The following CHIC1 variants were observed in gnomAD, a reference collection of about 807,000 sequenced individuals.
CHIC1 encodes cysteine-rich hydrophobic domain-containing protein 1.
Under a neutral mutation model 18.5 loss-of-function variants are expected in CHIC1, and 7 were observed. The ratio of observed to expected loss-of-function variants is 0.38; its 90% CI spans 0.22 to 0.71. CHIC1 has a LOEUF of 0.71. CHIC1 is among the 30% of genes least tolerant of loss of function. The pLI is 0.49. For synonymous variants in CHIC1, 77 were observed against 73.5 expected, an observed-to-expected ratio of 1.05 and a Z score of -0.25; for missense variants, 159 against 176.9, an observed-to-expected ratio of 0.90 and a Z score of 0.57.
At chrX:73,627,269 A>T (rs1167147168) in intron 3 of CHIC1, among the ~76,000 whole-genome samples, 1 of 112,420 alleles carries the variant, frequency 8.9e-6, no homozygotes, top group African/African-American at 3.2e-5. Context: ...AAGCCATCAC[A>T]GCACTGGGCA....
At chrX:73,661,985 A>G in intron 3 of CHIC1, among the ~76,000 whole-genome samples, 1 of 110,433 alleles carries the variant, frequency 9.1e-6, no homozygotes, top group Admixed American at 9.7e-5. Context: ...ACATGTATAC[A>G]TATGTAACTA....
rs1055055462 is a variant in CHIC1, at chrX:73,685,796, G to T, written c.*4791G>T. ...AGTCAGGTCCTACAGAATGACTATT[G>T]CACTTGGTCTATTGTTTTAATAGTA... On this transcript the variant is annotated 3_prime_UTR_variant, in exon 6 of 6. Transcript: ENST00000373502. 3 of 111,216 alleles carry T rather than the reference G, an allele frequency of 2.7e-5. No individual in the cohort carries two copies. Among genetic ancestry groups the T allele is most frequent in the African/African-American group, 9.8e-5 (3 of 30,698 alleles). The allele number at this position is 111,216 out of a possible 1,213,427, so 9.2% of individuals were successfully genotyped here. A position where few individuals can be genotyped will look rare whatever the true frequency, so the allele number is the denominator to read the frequency against.
At chrX:73,675,103 T>C (rs1174109118) in intron 3 of CHIC1, among the ~76,000 whole-genome samples, 2 of 112,118 alleles carry the variant, frequency 1.8e-5, no homozygotes, top group African/African-American at 6.5e-5. Context: ...TGAGAGACAG[T>C]TTGTTATAAT....
intron 3 of CHIC1, among the ~76,000 whole-genome samples, chrX:73,662,187 A>G (rs1251698794): frequency 4.5e-5 from 5 of 110,606 alleles, no homozygotes; most frequent in Admixed American, 2.9e-4. Context: ...AGGTCTGAAG[A>G]TAATGGCAAT....
intron 3 of CHIC1, among the ~76,000 whole-genome samples, chrX:73,605,485 C>A (rs547008860): frequency 9.2e-6 from 1 of 108,153 alleles, no homozygotes; most frequent in South Asian, 3.8e-4. Flanking sequence ...CCATTTAGCC[C>A]ATTTACATTT....
At chrX:73,621,079 C>G (rs1360729590) in intron 3 of CHIC1, among the ~76,000 whole-genome samples, 1 of 111,744 alleles carries the variant, frequency 8.9e-6, no homozygotes, top group Admixed American at 9.5e-5. Flanking sequence ...TGTACCAGTA[C>G]CATGCTGTTT....
At position 73,589,101 on chromosome X, in the gene CHIC1, T is replaced by C. The variant is rs1156613356; in HGVS notation, c.507+4529T>C. Among the ~76,000 whole-genome samples, 23 of 110,445 alleles carry C rather than the reference T, an allele frequency of 2.1e-4. No homozygotes were observed. The Admixed American group carries it at 2.2e-3, about 11-fold the overall frequency. ...TTTGGGTTTAGTTTGCTCTTTTTAGTTCCATAAGGTCTAAATTTAGGTTAT... is the reference window on the plus strand; with the variant it reads ...TTTGGGTTTAGTTTGCTCTTTTTAGCTCCATAAGGTCTAAATTTAGGTTAT... On this transcript the variant is annotated intron_variant, in intron 3 of 5. Coordinates refer to ENST00000373502, the MANE Select transcript of CHIC1 (RefSeq NM_001039840.4).
chrX:73,607,616 C>T lies in CHIC1; in HGVS notation c.507+23044C>T, dbSNP rs2057689124. The stretch of plus-strand genomic sequence containing the variant: ...TTGAAACCCAGGGCCATGGTGGTGT[C>T]GGCACCCAAGGGAATCTTCTTGTCT... On this transcript the variant is annotated intron_variant, in intron 3 of 5. Coordinates refer to ENST00000373502, the MANE Select transcript of CHIC1 (RefSeq NM_001039840.4). Among the ~76,000 whole-genome samples the T allele has an allele frequency of 2.8e-5, 3 of 108,864 alleles. No homozygotes were observed. The Admixed American group carries it at 2.9e-4, about 10-fold the overall frequency. 94.5% of individuals were successfully genotyped at this position (108,864 alleles called of 115,157 possible). A position where few individuals can be genotyped will look rare whatever the true frequency, so the allele number is the denominator to read the frequency against.
chrX:73,615,197 G>T (rs1249080313), intron 3 of CHIC1, among the ~76,000 whole-genome samples: 2 of 111,572 alleles, frequency 1.8e-5, no homozygotes, highest in Non-Finnish European at 3.8e-5. Context: ...TGGAGCTTGT[G>T]GTGAAGTTTT....
At chrX:73,624,355 A>G (rs778121304) in intron 3 of CHIC1, among the ~76,000 whole-genome samples, 2 of 112,112 alleles carry the variant, frequency 1.8e-5, no homozygotes, top group African/African-American at 3.2e-5. Context: ...TTTGAGAGGG[A>G]TCTATCTGAT....
intron 3 of CHIC1, among the ~76,000 whole-genome samples, chrX:73,596,015 T>C (rs1012091761): frequency 8.9e-6 from 1 of 111,894 alleles, no homozygotes; most frequent in African/African-American, 3.2e-5. Context: ...CACTTTTTGA[T>C]GGGGTTGCTT....
intron 3 of CHIC1, among the ~76,000 whole-genome samples, chrX:73,629,888 A>G (rs1243908938): frequency 1.8e-5 from 2 of 112,063 alleles, no homozygotes; most frequent in Non-Finnish European, 3.8e-5. Flanking sequence ...TTTGGGTAGT[A>G]TGGACATTTT....
At chrX:73,641,739 G>A (rs183645475) in intron 3 of CHIC1, among the ~76,000 whole-genome samples, 4 of 108,307 alleles carry the variant, frequency 3.7e-5, no homozygotes, top group African/African-American at 1.0e-4. Context: ...TCATTGTTCA[G>A]TTCCCACCTG....
At chrX:73,680,868 A>AAAAATGATT in intron 5 of CHIC1, 87 bp from the exon 6 acceptor site, 6 of 493,096 alleles carry the variant, frequency 1.2e-5, no homozygotes, top group Admixed American at 3.8e-5. Flanking sequence ...TTGTCCTATG[A>AAAAATGATT]AAAATGATTA....
At position 73,595,753 on chromosome X, in the gene CHIC1, G is replaced by A. The variant is rs775866871; in HGVS notation, c.507+11181G>A. ...TAGATCCTTGAGGAATCGCCACATTGTCTTCCACAATGGTTGAACTAATTT... is the reference window on the plus strand; with the variant it reads ...TAGATCCTTGAGGAATCGCCACATTATCTTCCACAATGGTTGAACTAATTT... On this transcript the variant is annotated intron_variant, in intron 3 of 5. Coordinates refer to ENST00000373502, the MANE Select transcript of CHIC1 (RefSeq NM_001039840.4). Among the ~76,000 whole-genome samples the A allele has an allele frequency of 1.4e-4, 16 of 111,316 alleles. No individual in the cohort carries two copies. In the South Asian group the frequency reaches 6.1e-3, roughly 42 times the overall value.
chrX:73,581,784 T>C (rs992956696), intron 2 of CHIC1, among the ~76,000 whole-genome samples: 1 of 111,165 alleles, frequency 9.0e-6, no homozygotes, highest in Non-Finnish European at 1.9e-5. Flanking sequence ...TTGAGACCAT[T>C]ATATGTTAAA....
Position 73,604,461 on chromosome X carries a change from T to G in CHIC1, c.507+19889T>G, listed in dbSNP as rs936141928. Among the ~76,000 whole-genome samples, 13 of 108,876 alleles carry G rather than the reference T, an allele frequency of 1.2e-4. 3 individuals carry two copies. Among genetic ancestry groups the G allele is most frequent in the African/African-American group, 4.6e-4 (13 of 27,967 alleles). The allele number at this position is 108,876 out of a possible 115,157, so 94.5% of individuals were successfully genotyped here. Reference sequence around the variant, plus strand: ...TTAATCTTTTCAAAAAACCAGTTCCTGGATTCATTGATTTTTTTGAAGGGT... The same window carrying G: ...TTAATCTTTTCAAAAAACCAGTTCCGGGATTCATTGATTTTTTTGAAGGGT... On this transcript the variant is annotated intron_variant, in intron 3 of 5. Transcript: ENST00000373502.
At chrX:73,650,134 A>C (rs1381837417) in intron 3 of CHIC1, among the ~76,000 whole-genome samples, 1 of 112,153 alleles carries the variant, frequency 8.9e-6, no homozygotes, top group Non-Finnish European at 1.9e-5. Flanking sequence ...CTTTGAAACC[A>C]ATGAGAACAA....
intron 3 of CHIC1, among the ~76,000 whole-genome samples, chrX:73,652,198 A>G (rs2057920312): frequency 8.9e-6 from 1 of 112,134 alleles, no homozygotes; most frequent in Non-Finnish European, 1.9e-5. Flanking sequence ...AAAAGCAGAA[A>G]CTGTACCCCT....
Sources: gnomAD v4.1 joint callset for allele counts (sites outside exome capture counted in the v4.1 genomes callset) on GRCh38, gnomAD v4.1.1 for gene constraint, MANE v1.5 for transcripts, NCBI Gene and HGNC (gene_info 2026-07-23, HGNC 2026-07-21) for gene names.